The following MACROD2 variants were observed in gnomAD, a reference collection of about 807,000 sequenced individuals.
MACROD2 encodes the protein ADP-ribose glycohydrolase MACROD2.
Under a neutral mutation model 70.4 loss-of-function variants are expected in MACROD2, and 36 were observed. That is an observed-to-expected ratio of 0.51 (90% CI 0.39 to 0.68). The LOEUF is 0.68. Among genes scored for constraint, MACROD2 ranks in the 30% least tolerant of loss-of-function variants. The pLI, the probability that MACROD2 is intolerant of heterozygous loss-of-function variation, is 0.00. For missense variants in MACROD2, 496 were observed against 538.4 expected (o/e 0.92, Z 0.78); for synonymous variants, 172 against 178.8 (o/e 0.96, Z 0.30).
In MACROD2 at chr20:14,577,835, A is replaced by AAGAGAAGAGAAGAGT. The variant is rs1464822138; in HGVS notation, c.301+84328_301+84329insGAGAAGAGAAGAGTA. On this transcript the variant is annotated intron_variant, in intron 4 of 17. Coordinates refer to ENST00000684519, the MANE Select transcript of MACROD2 (RefSeq NM_001351661.2). ...AAGAGAAGAGAAGAGAAGAGAAGAG[A>AAGAGAAGAGAAGAGT]AAACAACTATGTAAGAAATATCTGC... 7.2e-5 allele frequency among the ~76,000 whole-genome samples: 11 copies of AAGAGAAGAGAAGAGT among 151,948 alleles called. No individual in the cohort carries two copies. The South Asian group carries it at 2.1e-3, about 29-fold the overall frequency.
chr20:14,078,621 C>T (rs867088611), intron 2 of MACROD2, among the ~76,000 whole-genome samples: 5 of 151,456 alleles, frequency 3.3e-5, no homozygotes, highest in African/African-American at 4.9e-5. Flanking sequence ...TTGACCAGGC[C>T]GGTCTCGAAC....
At chr20:14,504,633 A>G (rs1031547389) in intron 4 of MACROD2, among the ~76,000 whole-genome samples, 3 of 152,168 alleles carry the variant, frequency 2.0e-5, no homozygotes, top group African/African-American at 7.2e-5. Context: ...TTTACCCCTC[A>G]GAGTTATTTC....
At chr20:15,156,988 A>G (rs2076311156) in intron 5 of MACROD2, among the ~76,000 whole-genome samples, 1 of 152,248 alleles carries the variant, frequency 6.6e-6, no homozygotes, top group African/African-American at 2.4e-5. Flanking sequence ...ATGTGATTTC[A>G]GCGCTAAGCT....
chr20:15,789,309 G>T, intron 8 of MACROD2, among the ~76,000 whole-genome samples: 1 of 152,196 alleles, frequency 6.6e-6, no homozygotes, highest in Non-Finnish European at 1.5e-5. Context: ...TTCAGAGTCA[G>T]TGTATGAGAC....
chr20:15,925,740 G>A (rs2065479307), intron 10 of MACROD2, among the ~76,000 whole-genome samples: 1 of 152,170 alleles, frequency 6.6e-6, no homozygotes, highest in Non-Finnish European at 1.5e-5. Flanking sequence ...TTGAACACGT[G>A]TTATTAAACT....
At chr20:14,776,142 C>T (rs1011670726) in intron 5 of MACROD2, among the ~76,000 whole-genome samples, 1 of 152,122 alleles carries the variant, frequency 6.6e-6, no homozygotes, top group East Asian at 1.9e-4. Flanking sequence ...TGAACCCATA[C>T]AGGAAAAATG....
intron 15 of MACROD2, among the ~76,000 whole-genome samples, chr20:16,035,881 G>A (rs1227156939): frequency 6.6e-6 from 1 of 151,916 alleles, no homozygotes; most frequent in African/African-American, 2.4e-5. Flanking sequence ...AGCCCCAACT[G>A]TCAAATGCAT....
rs139326765 is a variant in MACROD2, at chr20:14,169,298, A to G, written c.271+83570A>G. Reference sequence around the variant, plus strand: ...TTTCTCCAATAAAAACTTATCAATTATACTTTTTTTTGGGGGGGGGCGGTG... The same window carrying G: ...TTTCTCCAATAAAAACTTATCAATTGTACTTTTTTTTGGGGGGGGGCGGTG... On this transcript the variant is annotated intron_variant, in intron 3 of 17. Transcript: ENST00000684519. Among the ~76,000 whole-genome samples the G allele has an allele frequency of 3.2e-3, 479 of 151,718 alleles. 5 individuals are homozygous for G. The highest frequency in any genetic ancestry group is 0.011 in the African/African-American group (460 of 41,160).
chr20:15,694,366 C>T lies in MACROD2; in HGVS notation c.646-168379C>T, dbSNP rs2050337602. 2.0e-5 allele frequency among the ~76,000 whole-genome samples: 3 copies of T among 152,180 alleles called. No individual in the cohort carries two copies. In the South Asian group the frequency reaches 6.2e-4, roughly 32 times the overall value. ...AAGTGTTCCCTGTTCACCGCATCTACACCAACATCTACTGGTTTTTGATTT... is the reference window on the plus strand; with the variant it reads ...AAGTGTTCCCTGTTCACCGCATCTATACCAACATCTACTGGTTTTTGATTT... On this transcript the variant is annotated intron_variant, in intron 8 of 17. Transcript: ENST00000684519.
At chr20:14,478,303 T>G (rs2084621305) in intron 3 of MACROD2, among the ~76,000 whole-genome samples, 1 of 152,090 alleles carries the variant, frequency 6.6e-6, no homozygotes, top group Non-Finnish European at 1.5e-5. Flanking sequence ...CCCCAAGATA[T>G]TGGATATGAG....
chr20:15,468,833 A>C (rs1052992324), intron 7 of MACROD2, among the ~76,000 whole-genome samples: 6 of 152,220 alleles, frequency 3.9e-5, no homozygotes, highest in African/African-American at 1.4e-4. Context: ...GCAATAAGAC[A>C]TTGTCCCCAC....
intron 3 of MACROD2, among the ~76,000 whole-genome samples, chr20:14,270,374 G>A (rs1338922470): frequency 1.3e-5 from 2 of 152,096 alleles, no homozygotes; most frequent in Non-Finnish European, 2.9e-5. Flanking sequence ...GGCGGATCAC[G>A]AGGTCAGGAC....
At chr20:15,845,684 A>T (rs991882919) in intron 8 of MACROD2, among the ~76,000 whole-genome samples, 2 of 152,176 alleles carry the variant, frequency 1.3e-5, no homozygotes, top group African/African-American at 4.8e-5. Context: ...ATAGTTTTGC[A>T]TGCAGACCAA....
intron 6 of MACROD2, among the ~76,000 whole-genome samples, chr20:15,366,439 G>C (rs1385117147): frequency 6.6e-6 from 1 of 152,134 alleles, no homozygotes; most frequent in East Asian, 1.9e-4. Context: ...TCTTTTTAAA[G>C]AAAAGAAATC....
At chr20:15,865,818 G>C (rs2064484793) in intron 9 of MACROD2, among the ~76,000 whole-genome samples, 3 of 152,214 alleles carry the variant, frequency 2.0e-5, no homozygotes, top group African/African-American at 7.2e-5. Context: ...CAGCAAGAGA[G>C]AGCAAGCACC....
chr20:14,451,627 C>A (rs1184405026), intron 3 of MACROD2, among the ~76,000 whole-genome samples: 1 of 152,128 alleles, frequency 6.6e-6, no homozygotes, highest in Non-Finnish European at 1.5e-5. Context: ...AGAGATTTCC[C>A]AGGGCACGTA....
intron 3 of MACROD2, among the ~76,000 whole-genome samples, chr20:14,094,138 A>G (rs13045659): frequency 6.6e-6 from 1 of 152,082 alleles, no homozygotes; most frequent in Non-Finnish European, 1.5e-5. Flanking sequence ...CAGAAATGAA[A>G]CTATTTAACT....
At chr20:15,095,811 C>T (rs1425155016) in intron 5 of MACROD2, among the ~76,000 whole-genome samples, 1 of 151,998 alleles carries the variant, frequency 6.6e-6, no homozygotes, top group East Asian at 1.9e-4. Flanking sequence ...GCCACCGTGC[C>T]CAGCCAGAAA....
chr20:14,532,083 A>G (rs1268807100), intron 4 of MACROD2, among the ~76,000 whole-genome samples: 1 of 152,080 alleles, frequency 6.6e-6, no homozygotes, highest in Non-Finnish European at 1.5e-5. Context: ...TTAAATGCAC[A>G]TTTACTTCAT....
Sources: gnomAD v4.1 joint callset for allele counts (sites outside exome capture counted in the v4.1 genomes callset) on GRCh38, gnomAD v4.1.1 for gene constraint, MANE v1.5 for transcripts, NCBI Gene and HGNC (gene_info 2026-07-23, HGNC 2026-07-21) for gene names.